The following SLC38A1 variants were observed in gnomAD, a reference collection of about 807,000 sequenced individuals.
SLC38A1 encodes sodium-coupled neutral amino acid symporter 1.
A neutral mutation model predicts 60.3 loss-of-function variants in SLC38A1; 18 were observed. The observed-to-expected ratio is 0.30, with a 90% CI of 0.21 to 0.44. The LOEUF is 0.44. SLC38A1 is among the 20% of genes least tolerant of loss of function. The pLI is 1.00. For synonymous variants in SLC38A1, 196 were observed against 212.1 expected, an observed-to-expected ratio of 0.92 and a Z score of 0.66; for missense variants, 448 against 587.2, an observed-to-expected ratio of 0.76 and a Z score of 2.45.
chr12:46,186,736 C>T lies in SLC38A1; in HGVS notation c.*2234G>A, dbSNP rs935317508. 2.0e-5 allele frequency: 3 copies of T among 152,138 alleles called. No individual in the cohort carries two copies. Among genetic ancestry groups the T allele is most frequent in the South Asian group, 4.1e-4 (2 of 4,828 alleles). 9.4% of individuals were successfully genotyped at this position (152,138 alleles called of 1,614,324 possible). A position where few individuals can be genotyped will look rare whatever the true frequency, so the allele number is the denominator to read the frequency against. ...TAAATAAATATTCCTTGTATTGACA[C>T]ATGAAACCCAGAGGCCCAAAAATAT... On this transcript the variant is annotated 3_prime_UTR_variant, in exon 17 of 17. Coordinates refer to ENST00000398637, the MANE Select transcript of SLC38A1 (RefSeq NM_030674.4).
At chr12:46,219,388 C>G (rs915856447) in intron 5 of SLC38A1, among the ~76,000 whole-genome samples, 5 of 152,222 alleles carry the variant, frequency 3.3e-5, no homozygotes, top group African/African-American at 1.2e-4. Flanking sequence ...ACAATGTACA[C>G]TTTACAACTA....
chr12:46,235,708 G>C (rs1035796906), intron 3 of SLC38A1, among the ~76,000 whole-genome samples: 1 of 152,160 alleles, frequency 6.6e-6, no homozygotes, highest in Non-Finnish European at 1.5e-5. Context: ...TAAAAATTTA[G>C]CCCACAAACT....
intron 5 of SLC38A1, among the ~76,000 whole-genome samples, chr12:46,226,859 A>T (rs1164399593): frequency 6.6e-6 from 1 of 152,076 alleles, no homozygotes; most frequent in Non-Finnish European, 1.5e-5. Flanking sequence ...CTGCCAGGTG[A>T]TCCACCGGCC....
chr12:46,232,428 A>C (rs887883979), intron 3 of SLC38A1, among the ~76,000 whole-genome samples: 32 of 152,392 alleles, frequency 2.1e-4, no homozygotes, highest in African/African-American at 7.5e-4. Context: ...AATAAAAGCA[A>C]TATATTTGCA....
chr12:46,265,988 C>T (rs1485572176), intron 1 of SLC38A1, among the ~76,000 whole-genome samples: 2 of 152,060 alleles, frequency 1.3e-5, no homozygotes, highest in African/African-American at 4.8e-5. Flanking sequence ...TTTTCAAGGG[C>T]CTGGTCACTG....
Position 46,229,252 on chromosome 12 carries a change from G to A in SLC38A1, c.215C>T (p.Ser72Phe), listed in dbSNP as rs1940978586. Residue 72 changes from serine (S) to phenylalanine (F), a missense_variant, in exon 5 of 17, where the codon TCC becomes TTC. Ser to Phe is a radical substitution (Grantham distance 155). Transcript: ENST00000398637. ...KCDEYIPGTTSLGMSVFNLSN... is the reference protein window; with the variant it reads ...KCDEYIPGTTFLGMSVFNLSN... ...TAGGTTAAAAACAGACATGCCTAAG[G>A]AGGTTGTACCTGGAATCTGAACAAA... is the stretch of plus-strand genomic sequence containing the variant. 1.2e-6 allele frequency: 2 copies of A among 1,611,548 alleles called. No homozygotes were observed. The highest frequency in any genetic ancestry group is 1.7e-6 in the Non-Finnish European group (2 of 1,178,026).
intron 5 of SLC38A1, among the ~76,000 whole-genome samples, chr12:46,225,174 C>A (rs1201320678): frequency 6.6e-6 from 1 of 152,102 alleles, no homozygotes; most frequent in Non-Finnish European, 1.5e-5. Context: ...AAAGCCAAGA[C>A]CAACTCAGTT....
At chr12:46,212,229 G>A (rs187698322) in intron 5 of SLC38A1, among the ~76,000 whole-genome samples, 402 of 152,282 alleles carry the variant, frequency 2.6e-3, no homozygotes, top group African/African-American at 9.0e-3. Flanking sequence ...CTAATTGTCC[G>A]GGTAGATATT....
chr12:46,257,432 C>G (rs1942067669), intron 1 of SLC38A1, among the ~76,000 whole-genome samples: 1 of 152,078 alleles, frequency 6.6e-6, no homozygotes. Flanking sequence ...AGGCTTTAAC[C>G]CTCTCTGTCT....
intron 16 of SLC38A1, chr12:46,197,472 A>G: frequency 2.8e-6 from 1 of 355,474 alleles, no homozygotes; most frequent in Non-Finnish European, 5.1e-6. Context: ...TGGCCACTGC[A>G]CTCCAGCCTG....
At chr12:46,223,945 A>C (rs1940764070) in intron 5 of SLC38A1, among the ~76,000 whole-genome samples, 1 of 152,236 alleles carries the variant, frequency 6.6e-6, no homozygotes, top group South Asian at 2.1e-4. Context: ...TGTGTTCTAG[A>C]GATTAATTTC....
chr12:46,249,315 C>G (rs1284195221), intron 1 of SLC38A1, among the ~76,000 whole-genome samples: 1 of 152,076 alleles, frequency 6.6e-6, no homozygotes, highest in African/African-American at 2.4e-5. Context: ...ATACCAGAAT[C>G]TCTGGGACAC....
intron 5 of SLC38A1, among the ~76,000 whole-genome samples, chr12:46,220,453 G>A (rs924193291): frequency 1.6e-4 from 24 of 152,110 alleles, no homozygotes; most frequent in East Asian, 7.7e-4. Context: ...TGACTAGTCC[G>A]ATGGACCTCC....
intron 1 of SLC38A1, among the ~76,000 whole-genome samples, chr12:46,249,599 T>C (rs922632644): frequency 3.3e-5 from 5 of 151,600 alleles, no homozygotes; most frequent in African/African-American, 9.7e-5. Flanking sequence ...GCAAGACTAA[T>C]AAAGAAGAAA....
At chr12:46,222,779 A>G (rs549378196) in intron 5 of SLC38A1, among the ~76,000 whole-genome samples, 1 of 152,346 alleles carries the variant, frequency 6.6e-6, no homozygotes, top group African/African-American at 2.4e-5. Flanking sequence ...TTGCACATGC[A>G]GGAACCCACA....
At chr12:46,196,364 C>T (rs1441329010) in intron 16 of SLC38A1, 5 of 1,496,238 alleles carry the variant, frequency 3.3e-6, no homozygotes, top group Admixed American at 2.1e-5. Flanking sequence ...GTGGTCCTTA[C>T]ACAGATGGAA....
chr12:46,189,173 C>G (rs1294391080), intron 16 of SLC38A1, 102 bp from the exon 17 acceptor site: 1 of 755,294 alleles, frequency 1.3e-6, no homozygotes, highest in Non-Finnish European at 2.3e-6. Context: ...CCTTTGTGTC[C>G]TCTGGTATTC....
At chr12:46,223,259 G>T (rs1266415026) in intron 5 of SLC38A1, among the ~76,000 whole-genome samples, 1 of 151,998 alleles carries the variant, frequency 6.6e-6, no homozygotes, top group Non-Finnish European at 1.5e-5. Flanking sequence ...CTGTAAAATG[G>T]GGCTAATACC....
chr12:46,192,722 A>C (rs1442327297), intron 16 of SLC38A1, among the ~76,000 whole-genome samples: 1 of 152,116 alleles, frequency 6.6e-6, no homozygotes, highest in Non-Finnish European at 1.5e-5. Context: ...ATTTGTGTAG[A>C]GGTGTTTATA....
Sources: gnomAD v4.1 joint callset for allele counts (sites outside exome capture counted in the v4.1 genomes callset) on GRCh38, gnomAD v4.1.1 for gene constraint, MANE v1.5 for transcripts, NCBI Gene and HGNC (gene_info 2026-07-23, HGNC 2026-07-21) for gene names.